The following ASIC2 variants were observed in gnomAD, a reference collection of about 807,000 sequenced individuals.
ASIC2 encodes the protein acid sensing ion channel subunit 2.
A neutral mutation model predicts 57.3 loss-of-function variants in ASIC2; 25 were observed. The observed-to-expected ratio is 0.44, with a 90% CI of 0.32 to 0.61. The LOEUF (loss-of-function observed/expected upper bound fraction) is 0.61. Among genes scored for constraint, ASIC2 ranks in the 20% least tolerant of loss-of-function variants. The probability of loss-of-function intolerance (pLI) is 0.06; values close to 1 mark genes in which losing one functional copy is unlikely to be tolerated. For missense variants in ASIC2, 641 were observed against 738.1 expected, an observed-to-expected ratio of 0.87 and a Z score of 1.52; for synonymous variants, 319 against 307.5, an observed-to-expected ratio of 1.04 and a Z score of -0.39.
chr17:33,129,120 C>T (rs1224875139), intron 1 of ASIC2, among the ~76,000 whole-genome samples: 7 of 152,222 alleles, frequency 4.6e-5, no homozygotes, highest in Admixed American at 2.0e-4. Flanking sequence ...CTCAGCTGTT[C>T]AGAGGCTATG....
intron 1 of ASIC2, among the ~76,000 whole-genome samples, chr17:33,225,187 C>T (rs1013570272): frequency 1.3e-5 from 2 of 152,162 alleles, no homozygotes; most frequent in African/African-American, 4.8e-5. Flanking sequence ...TGTTGAATAC[C>T]AAGCCTGTGC....
At chr17:33,533,069 G>A (rs35246024) in intron 1 of ASIC2, among the ~76,000 whole-genome samples, 87,718 of 151,756 alleles carry the variant, frequency 0.58, 26,611 homozygotes, top group Non-Finnish European at 0.67. Context: ...ATTTCAGGCC[G>A]AGTGCAGTGG....
chr17:33,298,804 A>C (rs971059752), intron 1 of ASIC2, among the ~76,000 whole-genome samples: 1 of 152,202 alleles, frequency 6.6e-6, no homozygotes, highest in African/African-American at 2.4e-5. Context: ...CTGGTGTGAG[A>C]TGGTATCCAA....
At chr17:33,790,512 C>A (rs1911739866) in intron 1 of ASIC2, among the ~76,000 whole-genome samples, 1 of 152,062 alleles carries the variant, frequency 6.6e-6, no homozygotes, top group Admixed American at 6.5e-5. Flanking sequence ...AATTTGCAGC[C>A]TCTTGTGATA....
intron 1 of ASIC2, among the ~76,000 whole-genome samples, chr17:33,998,718 A>G (rs1906240261): frequency 6.6e-6 from 1 of 152,080 alleles, no homozygotes; most frequent in South Asian, 2.1e-4. Context: ...TCATAGCACT[A>G]TGGTTGAAAA....
At chr17:33,322,395 C>T (rs1486274022) in intron 1 of ASIC2, among the ~76,000 whole-genome samples, 2 of 152,158 alleles carry the variant, frequency 1.3e-5, no homozygotes, top group African/African-American at 2.4e-5. Flanking sequence ...CCAGAAGAGT[C>T]TTCCCTTGAG....
intron 1 of ASIC2, among the ~76,000 whole-genome samples, chr17:34,122,290 G>A (rs1319668692): frequency 6.6e-6 from 1 of 152,166 alleles, no homozygotes; most frequent in Non-Finnish European, 1.5e-5. Context: ...AGCACACCCA[G>A]ATAGCAAGTG....
intron 2 of ASIC2, among the ~76,000 whole-genome samples, chr17:33,105,280 T>C (rs1373362089): frequency 6.6e-6 from 1 of 152,122 alleles, no homozygotes; most frequent in Non-Finnish European, 1.5e-5. Flanking sequence ...ACTGTGCTGT[T>C]GTTGTGATAG....
chr17:33,302,549 A>T (rs1386180783), intron 1 of ASIC2, among the ~76,000 whole-genome samples: 1 of 152,132 alleles, frequency 6.6e-6, no homozygotes, highest in Non-Finnish European at 1.5e-5. Flanking sequence ...AAAAGCCTCC[A>T]TTCAGGCTGG....
At chr17:33,211,655 T>G (rs1329400145) in intron 1 of ASIC2, among the ~76,000 whole-genome samples, 1 of 152,156 alleles carries the variant, frequency 6.6e-6, no homozygotes, top group African/African-American at 2.4e-5. Flanking sequence ...TCAGACTCAC[T>G]TATTCAGAAT....
intron 1 of ASIC2, among the ~76,000 whole-genome samples, chr17:33,533,136 A>G (rs1317396756): frequency 6.6e-6 from 1 of 152,166 alleles, no homozygotes; most frequent in Non-Finnish European, 1.5e-5. Context: ...GCCTGAGGTC[A>G]GGAGTTCAAG....
chr17:33,845,308 T>C (rs1055488921), intron 1 of ASIC2, among the ~76,000 whole-genome samples: 2 of 152,212 alleles, frequency 1.3e-5, no homozygotes, highest in Admixed American at 6.5e-5. Context: ...AAATTTATCA[T>C]GTATGCCAAG....
At chr17:33,038,794 T>A (rs998519359) in intron 3 of ASIC2, among the ~76,000 whole-genome samples, 6 of 152,216 alleles carry the variant, frequency 3.9e-5, no homozygotes, top group Non-Finnish European at 7.3e-5. Context: ...ATCCTTATGT[T>A]GTTCTTCAAT....
chr17:33,628,699 T>C (rs1375620090), intron 1 of ASIC2, among the ~76,000 whole-genome samples: 1 of 152,208 alleles, frequency 6.6e-6, no homozygotes, highest in Non-Finnish European at 1.5e-5. Context: ...GCCTGGTAAG[T>C]GTTAAGCACT....
At chr17:34,002,166 C>T (rs1022329281) in intron 1 of ASIC2, 14 of 152,250 alleles carry the variant, frequency 9.2e-5, no homozygotes, top group African/African-American at 3.1e-4. Flanking sequence ...CTTCTATACA[C>T]TGTTTTGTGA....
intron 1 of ASIC2, among the ~76,000 whole-genome samples, chr17:33,221,985 G>A (rs1394863409): frequency 5.3e-5 from 8 of 152,194 alleles, no homozygotes; most frequent in South Asian, 2.1e-4. Context: ...ATTTTGAATC[G>A]AGTGTGTTTG....
chr17:33,316,662 T>C (rs576004619), intron 1 of ASIC2, among the ~76,000 whole-genome samples: 5 of 152,278 alleles, frequency 3.3e-5, no homozygotes, highest in South Asian at 4.1e-4. Context: ...AAATTAAAGA[T>C]TTATGTTACT....
At chr17:33,443,656 T>C (rs1004459400) in intron 1 of ASIC2, among the ~76,000 whole-genome samples, 2 of 151,552 alleles carry the variant, frequency 1.3e-5, no homozygotes, top group Non-Finnish European at 2.9e-5. Context: ...GACCTCGTGA[T>C]CCGCCCGCCT....
chr17:33,334,070 A>G (rs1410351798), intron 1 of ASIC2, among the ~76,000 whole-genome samples: 1 of 152,186 alleles, frequency 6.6e-6, no homozygotes, highest in Non-Finnish European at 1.5e-5. Context: ...CAAAGTCTAA[A>G]ATTAGGTGTC....
Sources: allele counts gnomAD v4.1 joint callset (sites outside exome capture counted in the v4.1 genomes callset), GRCh38; gene constraint gnomAD v4.1.1; transcripts MANE v1.5; gene names NCBI Gene and HGNC (gene_info 2026-07-23, HGNC 2026-07-21).